Variants in BAIAP2L1 observed in about 807,000 individuals in gnomAD.
BAIAP2L1 encodes BAR/IMD domain containing adaptor protein 2 like 1.
Under a neutral mutation model 66.3 loss-of-function variants are expected in BAIAP2L1, and 35 were observed. The observed-to-expected ratio is 0.53, with a 90% CI of 0.40 to 0.70. The LOEUF is 0.70. Among genes scored for constraint, BAIAP2L1 ranks in the 30% least tolerant of loss-of-function variants. BAIAP2L1 has a pLI of 0.00. For missense variants in BAIAP2L1, 622 were observed against 656.9 expected (o/e 0.95, Z 0.58); for synonymous variants, 269 against 248.7 (o/e 1.08, Z -0.77).
In BAIAP2L1 at chr7:98,315,626, A is replaced by AG. The variant is rs1801049147; in HGVS notation, c.487-15_487-14insC. The AG allele has an allele frequency of 1.9e-6, 2 of 1,077,250 alleles. No individual in the cohort carries two copies. The highest frequency in any genetic ancestry group is 3.3e-5 in the East Asian group (1 of 30,082). The allele number at this position is 1,077,250 out of a possible 1,614,324, so 66.7% of individuals were successfully genotyped here. A position where few individuals can be genotyped will look rare whatever the true frequency, so the allele number is the denominator to read the frequency against. On this transcript the variant is annotated splice_polypyrimidine_tract_variant and intron_variant, in intron 6 of 13. Coordinates refer to ENST00000005260, the MANE Select transcript of BAIAP2L1 (RefSeq NM_018842.5). ...GGTCTCCACATACTAAAAAAAAAAA[A>AG]ATAATAATAATAATAATTATATAAG...
rs1186899485 is a variant in BAIAP2L1 at position 98,304,504 on chromosome 7, A to T, written c.1242-128T>A. 4.8e-6 allele frequency: 4 copies of T among 841,420 alleles called. No homozygotes were observed. In the South Asian group the frequency reaches 6.3e-5, roughly 13 times the overall value. The allele number at this position is 841,420 out of a possible 1,614,324, so 52.1% of individuals were successfully genotyped here. ...CCAATCAAAACCTGATCTTGATCTC[A>T]CACACACAGACACACACAGTACATA... is the stretch of plus-strand genomic sequence containing the variant. On this transcript the variant is annotated intron_variant, in intron 11 of 13. Coordinates refer to ENST00000005260, the MANE Select transcript of BAIAP2L1 (RefSeq NM_018842.5).
At chr7:98,329,618 A>G (rs1424448199) in intron 3 of BAIAP2L1, among the ~76,000 whole-genome samples, 1 of 152,004 alleles carries the variant, frequency 6.6e-6, no homozygotes, top group East Asian at 1.9e-4. Context: ...CCGGGCCTCA[A>G]GGGAATCTGC....
chr7:98,316,365 C>G (rs945475264), intron 6 of BAIAP2L1, among the ~76,000 whole-genome samples: 3 of 152,136 alleles, frequency 2.0e-5, no homozygotes, highest in African/African-American at 4.8e-5. Context: ...CCTCATTTTC[C>G]CCATCTGTAC....
At chr7:98,350,186 C>T (rs1350348395) in intron 3 of BAIAP2L1, among the ~76,000 whole-genome samples, 2 of 152,088 alleles carry the variant, frequency 1.3e-5, no homozygotes, top group African/African-American at 2.4e-5. Context: ...AAGCGTCTGC[C>T]TTAGAGTGCT....
intron 9 of BAIAP2L1, 169 bp from the exon 10 acceptor site, chr7:98,308,065 C>G (rs1402607674): frequency 4.1e-6 from 3 of 736,502 alleles, no homozygotes; most frequent in Admixed American, 4.0e-5. Context: ...CCAGAAGGAA[C>G]AGGGACTGTT....
intron 2 of BAIAP2L1, among the ~76,000 whole-genome samples, chr7:98,360,316 T>C (rs1008432575): frequency 1.7e-4 from 25 of 151,132 alleles, no homozygotes; most frequent in African/African-American, 5.6e-4. Context: ...GTGCTGGAAT[T>C]ACAGGCACGA....
intron 1 of BAIAP2L1, among the ~76,000 whole-genome samples, chr7:98,395,436 C>CAA (rs36036652): frequency 0.016 from 1,950 of 121,108 alleles, 35 homozygotes; most frequent in South Asian, 0.067. Flanking sequence ...AAGACTGTCT[C>CAA]AAAAAAAAAA....
chr7:98,394,886 C>T lies in BAIAP2L1; in HGVS notation c.51+5916G>A, dbSNP rs10236986. Reference sequence around the variant, plus strand: ...CAGCACTTTGGGAAGCCGAGGCAGGCGGATCACCTGAGGTCGGGAGTTCGA... The same window carrying T: ...CAGCACTTTGGGAAGCCGAGGCAGGTGGATCACCTGAGGTCGGGAGTTCGA... On this transcript the variant is annotated intron_variant, in intron 1 of 13. Coordinates refer to ENST00000005260, the MANE Select transcript of BAIAP2L1 (RefSeq NM_018842.5). 4.5e-3 allele frequency among the ~76,000 whole-genome samples: 681 copies of T among 152,248 alleles called. 6 individuals are homozygous for T. The highest frequency in any genetic ancestry group is 0.016 in the African/African-American group (648 of 41,542).
chr7:98,364,341 C>CCTAT (rs1802341864), intron 1 of BAIAP2L1, among the ~76,000 whole-genome samples: 1 of 151,834 alleles, frequency 6.6e-6, no homozygotes, highest in African/African-American at 2.4e-5. Context: ...TTGGCTGAGG[C>CCTAT]CTATCAGTGT....
intron 1 of BAIAP2L1, among the ~76,000 whole-genome samples, chr7:98,389,187 C>G (rs1482515816): frequency 2.0e-5 from 3 of 152,098 alleles, no homozygotes; most frequent in Non-Finnish European, 4.4e-5. Flanking sequence ...CTCCCCTCCC[C>G]CAACAGGCAG....
At position 98,359,285 on chromosome 7, in the gene BAIAP2L1, T is replaced by C. The variant is rs181393354; in HGVS notation, c.127+3072A>G. ...GCTTACTTGCTGTCTTTTTTTTTTT[T>C]TTTTTTGAGACAGAGTCTTGCTCTG... On this transcript the variant is annotated intron_variant, in intron 2 of 13. Transcript: ENST00000005260. 6.7e-3 allele frequency among the ~76,000 whole-genome samples: 1,020 copies of C among 151,434 alleles called. 7 individuals are homozygous for C. The highest frequency in any genetic ancestry group is 8.4e-3 in the Non-Finnish European group (566 of 67,706).
At chr7:98,368,489 G>A (rs910348799) in intron 1 of BAIAP2L1, among the ~76,000 whole-genome samples, 1 of 151,018 alleles carries the variant, frequency 6.6e-6, no homozygotes, top group African/African-American at 2.4e-5. Context: ...TCAGAAGATC[G>A]ACACCATTCT....
intron 3 of BAIAP2L1, among the ~76,000 whole-genome samples, chr7:98,338,231 G>A (rs1482297014): frequency 2.0e-5 from 3 of 151,966 alleles, no homozygotes; most frequent in African/African-American, 7.2e-5. Context: ...AGGAGATCGA[G>A]ACCACGGTGA....
chr7:98,353,505 TATTATAAATACACATATATTTATA>T (rs1802047594), intron 3 of BAIAP2L1, among the ~76,000 whole-genome samples: 1 of 131,642 alleles, frequency 7.6e-6, no homozygotes, highest in African/African-American at 3.1e-5. Flanking sequence ...CATATATTTA[TATTATAAATACACATATATTTATA>T]AATATACATA....
chr7:98,300,751 C>A (rs1584420553), intron 12 of BAIAP2L1, among the ~76,000 whole-genome samples: 3 of 152,148 alleles, frequency 2.0e-5, no homozygotes, highest in Non-Finnish European at 4.4e-5. Flanking sequence ...AGGCTGGCGG[C>A]ACCACTCCCC....
At chr7:98,350,022 T>G (rs953350179) in intron 3 of BAIAP2L1, among the ~76,000 whole-genome samples, 5 of 150,298 alleles carry the variant, frequency 3.3e-5, no homozygotes, top group Admixed American at 6.6e-5. Context: ...GAGGCTGAGG[T>G]AGGAGGATGG....
intron 1 of BAIAP2L1, among the ~76,000 whole-genome samples, chr7:98,396,927 A>G (rs1262156562): frequency 6.6e-6 from 1 of 152,264 alleles, no homozygotes; most frequent in Non-Finnish European, 1.5e-5. Flanking sequence ...TGCTTCACAC[A>G]TTAAATGGAT....
At chr7:98,337,760 A>C (rs1258840680) in intron 3 of BAIAP2L1, among the ~76,000 whole-genome samples, 2 of 152,140 alleles carry the variant, frequency 1.3e-5, no homozygotes, top group East Asian at 3.9e-4. Context: ...TAATAAAAAG[A>C]TACAAAAATT....
chr7:98,310,430 G>C lies in BAIAP2L1; in HGVS notation c.955+15C>G. The stretch of plus-strand genomic sequence containing the variant: ...GTAAAAGGTATCTTCAAATAAATCA[G>C]ACTGAATCTCTTACCTGTTGAATTA... On this transcript the variant is annotated intron_variant, in intron 9 of 13. Coordinates refer to ENST00000005260, the MANE Select transcript of BAIAP2L1 (RefSeq NM_018842.5). 1 of 1,574,728 alleles carries C rather than the reference G, an allele frequency of 6.4e-7. No individual in the cohort carries two copies.
Sources: allele counts gnomAD v4.1 joint callset (sites outside exome capture counted in the v4.1 genomes callset), GRCh38; gene constraint gnomAD v4.1.1; transcripts MANE v1.5; gene names NCBI Gene and HGNC (gene_info 2026-07-23, HGNC 2026-07-21).